The following KCNQ1 variants were observed in gnomAD, a reference collection of about 807,000 sequenced individuals.
KCNQ1 encodes the protein potassium voltage-gated channel subfamily Q member 1.
In KCNQ1, 49 loss-of-function variants were observed where a neutral mutation model predicts 72.4. That is an observed-to-expected ratio of 0.68 (90% CI 0.54 to 0.86). KCNQ1 has a LOEUF of 0.86. Among genes scored for constraint, KCNQ1 ranks in the 40% least tolerant of loss-of-function variants. The pLI is 0.00. For missense variants in KCNQ1, 790 were observed against 945.1 expected, an observed-to-expected ratio of 0.84 and a Z score of 2.15; for synonymous variants, 450 against 412.6, an observed-to-expected ratio of 1.09 and a Z score of -1.10.
chr11:2,485,909 T>A (rs945067055), intron 1 of KCNQ1, among the ~76,000 whole-genome samples: 7 of 152,252 alleles, frequency 4.6e-5, no homozygotes, highest in Non-Finnish European at 7.3e-5. Flanking sequence ...TTCCACTGTA[T>A]GGATAGACCA....
At chr11:2,707,429 G>C (rs868344140) in intron 11 of KCNQ1, among the ~76,000 whole-genome samples, 9 of 152,184 alleles carry the variant, frequency 5.9e-5, no homozygotes, top group Admixed American at 2.0e-4. Context: ...ACTCTTCCAA[G>C]AGCCCTCCCT....
intron 11 of KCNQ1, among the ~76,000 whole-genome samples, chr11:2,761,943 CTG>C (rs1334596654): frequency 6.6e-6 from 1 of 152,264 alleles, no homozygotes; most frequent in African/African-American, 2.4e-5. Flanking sequence ...GCATGGCCCT[CTG>C]TGCAGAACAG....
intron 11 of KCNQ1, chr11:2,680,333 A>T (rs1850373787): frequency 2.5e-6 from 1 of 397,740 alleles, no homozygotes; most frequent in Non-Finnish European, 4.4e-6. Context: ...TCAAAAAAAA[A>T]GTCTTTCCAG....
rs865846969 is a variant in KCNQ1, at chr11:2,785,546, G to T, written c.1794+7509G>T. Among the ~76,000 whole-genome samples, 1 of 151,598 alleles carries T rather than the reference G, an allele frequency of 6.6e-6. No homozygotes were observed. The highest frequency in any genetic ancestry group is 6.6e-5 in the Admixed American group (1 of 15,260). On this transcript the variant is annotated intron_variant, in intron 15 of 15. Transcript: ENST00000155840. The surrounding 1 kb of genome is among the most constrained non-coding windows in gnomAD (Gnocchi z 4.4). ...TCCTTTTCTTTTTAATCCTACAACC[G>T]TAGGATTTCAGGTTTGTCTTTTGTA...
At chr11:2,469,778 A>T (rs1429882690) in intron 1 of KCNQ1, among the ~76,000 whole-genome samples, 1 of 151,644 alleles carries the variant, frequency 6.6e-6, no homozygotes, top group East Asian at 1.9e-4. Flanking sequence ...GGTTCATGCC[A>T]TTCTCCTGCC....
At position 2,566,395 on chromosome 11, in the gene KCNQ1, T is replaced by G. The variant is rs557688065; in HGVS notation, c.478-4233T>G. 6.6e-6 allele frequency among the ~76,000 whole-genome samples: 1 copy of G among 152,240 alleles called. No individual in the cohort carries two copies. Among genetic ancestry groups the G allele is most frequent in the African/African-American group, 2.4e-5 (1 of 41,552 alleles). ...CCTGTACCTTGTCCCGGGGCGGGGC[T>G]CTCTCTGCCATGGACGCCAGTCTTC... On this transcript the variant is annotated intron_variant, in intron 2 of 15. Transcript: ENST00000155840. This position sits in a 1 kb window ranked among gnomAD's most constrained non-coding sequence, Gnocchi z 6.7.
At chr11:2,702,566 G>C (rs548873355) in intron 11 of KCNQ1, among the ~76,000 whole-genome samples, 3 of 152,196 alleles carry the variant, frequency 2.0e-5, no homozygotes, top group East Asian at 1.9e-4. Flanking sequence ...CTAATTGTGG[G>C]CCTGGATGGG....
At position 2,483,830 on chromosome 11, in the gene KCNQ1, A is replaced by G. The variant is rs1397970670; in HGVS notation, c.386+38346A>G. Among the ~76,000 whole-genome samples, 1 of 152,120 alleles carries G rather than the reference A, an allele frequency of 6.6e-6. No individual in the cohort carries two copies. The highest frequency in any genetic ancestry group is 1.5e-5 in the Non-Finnish European group (1 of 68,040). On this transcript the variant is annotated intron_variant, in intron 1 of 15. Transcript: ENST00000155840. The surrounding 1 kb of genome is among the most constrained non-coding windows in gnomAD (Gnocchi z 6.1). ...TGTCAGCTGGGCTTCTCAGCTGTAA[A>G]TTAACCATTTTCCGCTTCATAATTA...
chr11:2,599,858 CTG>C lies in KCNQ1; in HGVS notation c.1393+11006_1393+11007del, dbSNP rs1234530582. On this transcript the variant is annotated intron_variant, in intron 10 of 15. Coordinates refer to ENST00000155840, the MANE Select transcript of KCNQ1 (RefSeq NM_000218.3). This position sits in a 1 kb window ranked among gnomAD's most constrained non-coding sequence, Gnocchi z 4.7. ...TAGCTTCATCACCTCTTTAAAGGTC[CTG>C]TCTCCAAACATGCTGAGTCACGTGC... 6.6e-6 allele frequency among the ~76,000 whole-genome samples: 1 copy of C among 152,218 alleles called. No homozygotes were observed. Among genetic ancestry groups the C allele is most frequent in the African/African-American group, 2.4e-5 (1 of 41,450 alleles).
At position 2,682,447 on chromosome 11, in the gene KCNQ1, C is replaced by CGGCT; in HGVS notation, c.1514+20366_1514+20367insGGCT. 1 of 397,960 alleles carries CGGCT rather than the reference C, an allele frequency of 2.5e-6. No homozygotes were observed. The highest frequency in any genetic ancestry group is 3.6e-5 in the East Asian group (1 of 27,998). The allele number at this position is 397,960 out of a possible 1,614,324, so 24.7% of individuals were successfully genotyped here. On this transcript the variant is annotated intron_variant, in intron 11 of 15. Coordinates refer to ENST00000155840, the MANE Select transcript of KCNQ1 (RefSeq NM_000218.3). The surrounding 1 kb of genome is among the most constrained non-coding windows in gnomAD (Gnocchi z 5.8). Reference sequence around the variant, plus strand: ...CTTCAGTGCTTAATCCATATGGAGCCTGTCACGGACCCTCAGTGAATGTTT... The same window carrying CGGCT: ...CTTCAGTGCTTAATCCATATGGAGCCGGCTTGTCACGGACCCTCAGTGAATGTTT...
intron 12 of KCNQ1, among the ~76,000 whole-genome samples, chr11:2,774,829 G>A (rs552445871): frequency 1.3e-5 from 2 of 152,244 alleles, no homozygotes; most frequent in Non-Finnish European, 2.9e-5. Flanking sequence ...GGGCAGGGAG[G>A]GCATGTTCCC....
intron 15 of KCNQ1, among the ~76,000 whole-genome samples, chr11:2,789,359 GAA>G (rs1438195676): frequency 6.6e-6 from 1 of 152,212 alleles, no homozygotes; most frequent in Non-Finnish European, 1.5e-5. Context: ...TCCTAGGAAA[GAA>G]AAGCACCAGG....
At chr11:2,825,780 G>A (rs899739083) in intron 15 of KCNQ1, among the ~76,000 whole-genome samples, 3 of 152,184 alleles carry the variant, frequency 2.0e-5, no homozygotes, top group Non-Finnish European at 4.4e-5. Flanking sequence ...CGGGTACTTT[G>A]CTCAGTAACG....
At chr11:2,707,265 G>C (rs1488456029) in intron 11 of KCNQ1, among the ~76,000 whole-genome samples, 1 of 152,210 alleles carries the variant, frequency 6.6e-6, no homozygotes, top group Non-Finnish European at 1.5e-5. Flanking sequence ...GGACAGGCCT[G>C]TGCCAGAAGC....
chr11:2,742,741 G>GA (rs1292355938), intron 11 of KCNQ1, among the ~76,000 whole-genome samples: 1 of 152,260 alleles, frequency 6.6e-6, no homozygotes, highest in Non-Finnish European at 1.5e-5. Flanking sequence ...TGAATTCGGG[G>GA]CGGTCCTGAC....
At chr11:2,503,652 G>C (rs1479824810) in intron 1 of KCNQ1, among the ~76,000 whole-genome samples, 1 of 151,732 alleles carries the variant, frequency 6.6e-6, no homozygotes, top group Non-Finnish European at 1.5e-5. Context: ...TAACAAACCT[G>C]CACATTGTGC....
In KCNQ1 at chr11:2,547,575, C is replaced by G. The variant is rs953364551; in HGVS notation, c.477+19557C>G. 6.6e-6 allele frequency among the ~76,000 whole-genome samples: 1 copy of G among 152,208 alleles called. No individual in the cohort carries two copies. The highest frequency in any genetic ancestry group is 2.4e-5 in the African/African-American group (1 of 41,430). On this transcript the variant is annotated intron_variant, in intron 2 of 15. Coordinates refer to ENST00000155840, the MANE Select transcript of KCNQ1 (RefSeq NM_000218.3). The surrounding 1 kb of genome is among the most constrained non-coding windows in gnomAD (Gnocchi z 4.2). The stretch of plus-strand genomic sequence containing the variant: ...TAGTTACCTTTATACATATGCCTTT[C>G]AAAGTTTCCTTGGTCCCTGGTTTCT...
rs901211440 is a variant in KCNQ1, at chr11:2,509,735, G to A, written c.387-18193G>A. ...TGGGCCAGGAGACAGTCCTGGGATA[G>A]GGAAAGAAAAGAGGGGCTTCCGGGG... On this transcript the variant is annotated intron_variant, in intron 1 of 15. Coordinates refer to ENST00000155840, the MANE Select transcript of KCNQ1 (RefSeq NM_000218.3). This position sits in a 1 kb window ranked among gnomAD's most constrained non-coding sequence, Gnocchi z 6.3. 2.8e-4 allele frequency among the ~76,000 whole-genome samples: 43 copies of A among 152,190 alleles called. 1 individual carries two copies. The highest frequency in any genetic ancestry group is 5.9e-4 in the Admixed American group (9 of 15,286).
At chr11:2,591,542 G>A (rs568426278) in intron 10 of KCNQ1, among the ~76,000 whole-genome samples, 10 of 152,226 alleles carry the variant, frequency 6.6e-5, no homozygotes, top group Non-Finnish European at 8.8e-5. Flanking sequence ...GGCTTTCTGC[G>A]CATGCTAACG....
Sources: allele counts gnomAD v4.1 joint callset (sites outside exome capture counted in the v4.1 genomes callset), GRCh38; gene constraint gnomAD v4.1.1; non-coding constraint Gnocchi (gnomAD v3.1); transcripts MANE v1.5; gene names NCBI Gene and HGNC (gene_info 2026-07-23, HGNC 2026-07-21).